Variants in RABGAP1 observed in about 807,000 individuals in gnomAD.
RABGAP1 encodes rab GTPase-activating protein 1.
In RABGAP1, 23 loss-of-function variants were observed where a neutral mutation model predicts 137.6. That is an observed-to-expected ratio of 0.17 (90% confidence interval 0.12 to 0.24). RABGAP1 has a LOEUF of 0.24. RABGAP1 is among the 10% of genes least tolerant of loss of function. The pLI is 1.00. For missense variants in RABGAP1, 906 were observed against 1,275.8 expected, an observed-to-expected ratio of 0.71 and a Z score of 4.42; for synonymous variants, 451 against 450.7, an observed-to-expected ratio of 1.00 and a Z score of -0.01.
At chr9:123,002,830 C>T (rs1029864447) in intron 10 of RABGAP1, among the ~76,000 whole-genome samples, 2 of 151,980 alleles carry the variant, frequency 1.3e-5, no homozygotes, top group African/African-American at 4.8e-5. Context: ...GAAATGCAGC[C>T]TAAGAGACTG....
chr9:122,966,538 A>C (rs985521439), intron 2 of RABGAP1, among the ~76,000 whole-genome samples: 3 of 152,120 alleles, frequency 2.0e-5, no homozygotes, highest in Non-Finnish European at 4.4e-5. Flanking sequence ...AAATAAAAAA[A>C]TAAATAAAGC....
chr9:122,998,289 A>C lies in RABGAP1; in HGVS notation c.1205-308A>C, dbSNP rs370296981. On this transcript the variant is annotated intron_variant, in intron 9 of 25. Coordinates refer to ENST00000373647, the MANE Select transcript of RABGAP1 (RefSeq NM_012197.4). ...TAATTTTTGTATTTTTAGTAGAGAC[A>C]AGGTTTCACCATGTTGGCCAGGCTG... Among the ~76,000 whole-genome samples, 43 of 151,984 alleles carry C rather than the reference A, an allele frequency of 2.8e-4. No homozygotes were observed. In the South Asian group the frequency reaches 8.3e-3, roughly 29 times the overall value.
chr9:122,975,245 C>T (rs923793280), intron 2 of RABGAP1, among the ~76,000 whole-genome samples: 1 of 152,142 alleles, frequency 6.6e-6, no homozygotes, highest in Non-Finnish European at 1.5e-5. Flanking sequence ...GCCTAAATAT[C>T]CTTCAGAAAA....
upstream of RABGAP1, among the ~76,000 whole-genome samples, chr9:122,936,287 C>T (rs1833386447): frequency 6.6e-6 from 1 of 152,110 alleles, no homozygotes; most frequent in Non-Finnish European, 1.5e-5. Context: ...CCACAGGGTC[C>T]CTTAGGCTTT....
At chr9:122,996,210 G>A in intron 7 of RABGAP1, 59 bp downstream of exon 7, 1 of 1,559,750 alleles carries the variant, frequency 6.4e-7, no homozygotes, top group Non-Finnish European at 8.6e-7. Flanking sequence ...CAATCTAATG[G>A]CATAGTTTTA....
At chr9:123,084,102 G>GT (rs1211936992) in intron 19 of RABGAP1, among the ~76,000 whole-genome samples, 1 of 152,198 alleles carries the variant, frequency 6.6e-6, no homozygotes, top group East Asian at 1.9e-4. Context: ...GATATGATAA[G>GT]TATCACCTGT....
rs990024300 is a variant in RABGAP1 at position 123,050,939 on chromosome 9, T to G, written c.1795-14409T>G. ...GAAATACAAAGTTTCAATAGCAGGG[T>G]TTTTTTTGTTTGTTTGTTTTCTTTT... On this transcript the variant is annotated intron_variant, in intron 13 of 25. Transcript: ENST00000373647. Among the ~76,000 whole-genome samples the G allele has an allele frequency of 3.3e-5, 5 of 151,858 alleles. No homozygotes were observed. In the East Asian group the frequency reaches 9.7e-4, roughly 29 times the overall value.
At chr9:123,101,795 CG>C in intron 25 of RABGAP1, 32 bp downstream of exon 25, 5 of 1,534,988 alleles carry the variant, frequency 3.3e-6, no homozygotes, top group Non-Finnish European at 4.4e-6. Flanking sequence ...CATGTGCCTG[CG>C]GGCTGGGTTT....
the RABGAP1 span, among the ~76,000 whole-genome samples, chr9:122,934,031 G>A: frequency 3.9e-5 from 6 of 151,968 alleles, no homozygotes; most frequent in South Asian, 4.2e-4. Context: ...AAAGTACTGC[G>A]GTTGTAAGCC....
chr9:122,998,600 A>C lies in RABGAP1; in HGVS notation c.1208A>C (p.Lys403Thr). ...QVVNEETPKD[K>T]VLFMTTAVDL... ...GCCTCTCTCTTTCTTTGTTTAGATA[A>C]AGTCCTGTTTATGACCACAGCTGTA... is the stretch of plus-strand genomic sequence containing the variant. The change falls in exon 10 of 26, where the codon AAA becomes ACA. Residue 403 changes from lysine to threonine, a missense_variant. By Grantham distance (78) the Lys-to-Thr change is moderately conservative (BLOSUM62 -1). Coordinates refer to ENST00000373647, the MANE Select transcript of RABGAP1 (RefSeq NM_012197.4). 6.3e-7 allele frequency: 1 copy of C among 1,578,276 alleles called. No homozygotes were observed. Among genetic ancestry groups the C allele is most frequent in the Non-Finnish European group, 8.6e-7 (1 of 1,158,392 alleles).
intron 13 of RABGAP1, among the ~76,000 whole-genome samples, chr9:123,024,437 CTT>C (rs1215225013): frequency 1.1e-4 from 16 of 140,066 alleles, no homozygotes; most frequent in East Asian, 2.0e-4. Context: ...GCCAGCATAT[CTT>C]TTTTTTTTTT....
chr9:123,032,429 C>T (rs939282620), intron 13 of RABGAP1, among the ~76,000 whole-genome samples: 3 of 152,208 alleles, frequency 2.0e-5, no homozygotes, highest in African/African-American at 7.2e-5. Flanking sequence ...TCAAATATTA[C>T]TATCAGGATT....
chr9:122,994,033 G>A (rs1033236783), intron 6 of RABGAP1, among the ~76,000 whole-genome samples: 19 of 152,010 alleles, frequency 1.2e-4, no homozygotes, highest in African/African-American at 3.4e-4. Context: ...TCCACTAACC[G>A]TCCTCATGAG....
chr9:123,038,436 C>A (rs1463394382), intron 13 of RABGAP1, among the ~76,000 whole-genome samples: 1 of 152,094 alleles, frequency 6.6e-6, no homozygotes, highest in African/African-American at 2.4e-5. Context: ...GGGTTAGACT[C>A]CCAGATGGCC....
chr9:123,028,394 TA>T (rs2032105768), intron 13 of RABGAP1, among the ~76,000 whole-genome samples: 1 of 152,164 alleles, frequency 6.6e-6, no homozygotes, highest in Non-Finnish European at 1.5e-5. Flanking sequence ...TAAACAATCA[TA>T]AAGTTGCATG....
intron 21 of RABGAP1, 46 bp from the exon 22 acceptor site, chr9:123,097,695 C>A: frequency 6.7e-7 from 1 of 1,496,212 alleles, no homozygotes; most frequent in South Asian, 1.2e-5. Context: ...AAATCCTTTG[C>A]AGTTCCCAAT....
At chr9:123,040,857 G>A (rs1478174265) in intron 13 of RABGAP1, among the ~76,000 whole-genome samples, 1 of 152,152 alleles carries the variant, frequency 6.6e-6, no homozygotes, top group Non-Finnish European at 1.5e-5. Context: ...GGGAGAGGCA[G>A]ATGAGTTGGA....
Position 123,101,631 on chromosome 9 carries a change from A to G in RABGAP1, c.2955A>G (p.Ile985Met). 1 of 1,614,162 alleles carries G rather than the reference A, an allele frequency of 6.2e-7. No individual in the cohort carries two copies. The highest frequency in any genetic ancestry group is 1.3e-5 in the African/African-American group (1 of 75,048). Residue 985 changes from isoleucine to methionine, a missense_variant, in exon 25 of 26, where the codon ATA becomes ATG. Physicochemically the swap from Ile to Met is conservative, Grantham distance 10. This residue lies in a region of RABGAP1 where 193 missense variants were observed against 248.1 expected (regional missense o/e 0.78). Transcript: ENST00000373647. ...FFNKEGRVKG[I>M]SSTKEVLDED... ...ACAAAGAAGGGCGTGTAAAAGGCAT[A>G]AGCTCAACCAAGGAGGTTTTAGATG...
At chr9:123,090,168 T>G (rs537046424) in intron 20 of RABGAP1, 107 bp from the exon 21 acceptor site, 4 of 820,744 alleles carry the variant, frequency 4.9e-6, no homozygotes, top group Non-Finnish European at 7.6e-6. Context: ...CCATTTCTCT[T>G]ATTGTTTCCA....
Sources: gnomAD v4.1 joint callset for allele counts (sites outside exome capture counted in the v4.1 genomes callset) on GRCh38, gnomAD v4.1.1 for gene constraint, gnomAD v4.1.1 regional missense constraint, MANE v1.5 for transcripts, NCBI Gene and HGNC (gene_info 2026-07-23, HGNC 2026-07-21) for gene names.